Variants in RTCA observed in about 807,000 individuals in gnomAD.
The protein encoded by RTCA is RNA 3'-terminal phosphate cyclase, also known as RNA terminal phosphate cyclase domain 1.
In RTCA, 37 loss-of-function variants were observed where a neutral mutation model predicts 46.1. That is an observed-to-expected ratio of 0.80 (90% confidence interval 0.62 to 1.06). RTCA has a LOEUF of 1.06. Ranked by LOEUF, RTCA falls within the 50% of genes least tolerant of loss-of-function variation. RTCA has a pLI of 0.00. For missense variants in RTCA, 435 were observed against 455.5 expected (o/e 0.95, Z 0.41); for synonymous variants, 164 against 158.3 (o/e 1.04, Z -0.27).
intron 8 of RTCA, among the ~76,000 whole-genome samples, chr1:100,281,610 G>C (rs913806947): frequency 6.6e-6 from 1 of 152,104 alleles, no homozygotes; most frequent in African/African-American, 2.4e-5. Context: ...TGTGCCTCTG[G>C]TTAATCAATC....
At chr1:100,266,666 G>T (rs1283088572) in intron 2 of RTCA, 42 bp downstream of exon 2, 3 of 1,522,826 alleles carry the variant, frequency 2.0e-6, no homozygotes, top group Non-Finnish European at 2.7e-6. Context: ...GAAGCTGGGG[G>T]ATCGGGGGGT....
intron 8 of RTCA, among the ~76,000 whole-genome samples, chr1:100,277,804 G>GA (rs969633812): frequency 6.7e-6 from 1 of 149,758 alleles, no homozygotes; most frequent in Non-Finnish European, 1.5e-5. Context: ...TTTTTTTTTG[G>GA]GGGGGGGCAC....
intron 8 of RTCA, among the ~76,000 whole-genome samples, chr1:100,281,650 C>G (rs550229655): frequency 1.3e-5 from 2 of 152,084 alleles, no homozygotes; most frequent in Non-Finnish European, 1.5e-5. Flanking sequence ...AATTGCCTCA[C>G]TTATAGCAAG....
intron 5 of RTCA, among the ~76,000 whole-genome samples, chr1:100,274,143 C>T (rs1666246615): frequency 6.6e-6 from 1 of 151,970 alleles, no homozygotes; most frequent in Non-Finnish European, 1.5e-5. Context: ...GTGATTGTGC[C>T]TCAATCAGAA....
intron 8 of RTCA, among the ~76,000 whole-genome samples, chr1:100,281,722 GT>G (rs1024592484): frequency 1.5e-4 from 21 of 143,746 alleles, no homozygotes; most frequent in East Asian, 8.0e-4. Flanking sequence ...TTTTGTTTTT[GT>G]TTTTTTTTTT....
intron 2 of RTCA, chr1:100,266,888 G>A (rs1665812004): frequency 2.0e-6 from 1 of 507,816 alleles, no homozygotes; most frequent in East Asian, 3.0e-5. Flanking sequence ...CTTTTAAAAT[G>A]TTTTCTCACC....
rs1309219708 is a variant in RTCA, at chr1:100,292,746, T to C, written c.*1242T>C. The C allele has an allele frequency of 6.6e-6, 1 of 152,250 alleles. No individual in the cohort carries two copies. Among genetic ancestry groups the C allele is most frequent in the South Asian group, 2.1e-4 (1 of 4,828 alleles). 9.4% of individuals were successfully genotyped at this position (152,250 alleles called of 1,614,324 possible). On this transcript the variant is annotated 3_prime_UTR_variant, in exon 11 of 11. Transcript: ENST00000370128. ...TTGTTTGGCTTGTGTTATTAACAAA[T>C]AAATGAGTGTCTTTCAAATGGAATG...
intron 7 of RTCA, among the ~76,000 whole-genome samples, chr1:100,276,213 A>G (rs1487917032): frequency 6.6e-6 from 1 of 152,154 alleles, no homozygotes; most frequent in East Asian, 1.9e-4. Context: ...ATTTTTTCTG[A>G]GGATGGCTTG....
At chr1:100,286,282 C>G (rs1371620024) in intron 9 of RTCA, among the ~76,000 whole-genome samples, 1 of 151,816 alleles carries the variant, frequency 6.6e-6, no homozygotes, top group South Asian at 2.1e-4. Flanking sequence ...GAAACCCCGT[C>G]TCTACTGAAA....
In RTCA at chr1:100,277,242, T is replaced by C. The variant is rs773612007; in HGVS notation, c.741-16T>C. The C allele has an allele frequency of 8.7e-6, 14 of 1,611,072 alleles. No homozygotes were observed. Among genetic ancestry groups the C allele is most frequent in the Admixed American group, 1.7e-5 (1 of 59,752 alleles). ...CATTTATAGCAAAGGTAGTAATAAC[T>C]TTTTTTCTTGCATAGAATTATTGCT... On this transcript the variant is annotated splice_polypyrimidine_tract_variant and intron_variant, in intron 7 of 10. Transcript: ENST00000370128.
chr1:100,289,103 C>T (rs535368120), intron 10 of RTCA, among the ~76,000 whole-genome samples: 2 of 151,728 alleles, frequency 1.3e-5, no homozygotes, highest in South Asian at 4.2e-4. Flanking sequence ...GGATTACAGG[C>T]ATGAGCCACC....
At chr1:100,273,263 A>T in intron 4 of RTCA, 131 bp from the exon 5 acceptor site, 1 of 535,490 alleles carries the variant, frequency 1.9e-6, no homozygotes, top group South Asian at 2.5e-5. Context: ...GAACCAGCCT[A>T]CATATTCTTA....
At chr1:100,276,843 C>T (rs10158777) in intron 7 of RTCA, among the ~76,000 whole-genome samples, 117,516 of 152,174 alleles carry the variant, frequency 0.77, 47,311 homozygotes, top group East Asian at 0.95. Context: ...TTAAAGTAAA[C>T]GCTTGCTCTA....
At chr1:100,283,745 T>C (rs1332647668) in intron 8 of RTCA, among the ~76,000 whole-genome samples, 1 of 151,488 alleles carries the variant, frequency 6.6e-6, no homozygotes, top group African/African-American at 2.4e-5. Context: ...ACTTGGCCAA[T>C]TGATAATATA....
At chr1:100,287,883 T>C (rs1667119668) in intron 10 of RTCA, among the ~76,000 whole-genome samples, 1 of 150,974 alleles carries the variant, frequency 6.6e-6, no homozygotes, top group Non-Finnish European at 1.5e-5. Flanking sequence ...AACTTCTGCC[T>C]CCCAGGCTCA....
intron 2 of RTCA, chr1:100,267,185 A>G: frequency 3.4e-6 from 1 of 296,060 alleles, no homozygotes; most frequent in Non-Finnish European, 6.2e-6. Flanking sequence ...CCACTAGTTG[A>G]GCTTCAGGTA....
chr1:100,271,958 T>G (rs1343532483), intron 4 of RTCA, among the ~76,000 whole-genome samples: 1 of 152,182 alleles, frequency 6.6e-6, no homozygotes, highest in Non-Finnish European at 1.5e-5. Flanking sequence ...TGAGTCTGGG[T>G]TTTTTGCTCT....
At chr1:100,286,454 C>CAAAAAAAA (rs754851046) in intron 9 of RTCA, among the ~76,000 whole-genome samples, 3 of 45,318 alleles carry the variant, frequency 6.6e-5, no homozygotes, top group African/African-American at 1.6e-4. Context: ...GACTCCGTCT[C>CAAAAAAAA]AAAAAAAAAA....
intron 2 of RTCA, chr1:100,267,495 CA>C: frequency 2.0e-6 from 3 of 1,533,020 alleles, no homozygotes; most frequent in Non-Finnish European, 2.6e-6. Flanking sequence ...TTTATTTCCT[CA>C]CAGTTCTGGA....
Sources: allele counts gnomAD v4.1 joint callset (sites outside exome capture counted in the v4.1 genomes callset), GRCh38; gene constraint gnomAD v4.1.1; transcripts MANE v1.5; gene names NCBI Gene and HGNC (gene_info 2026-07-23, HGNC 2026-07-21).